The following EBF2 variants were observed in gnomAD, a reference collection of about 807,000 sequenced individuals.
EBF2 encodes the protein transcription factor COE2.
EBF2 carries 21 observed loss-of-function variants against 72.8 expected under a neutral mutation model. The ratio of observed to expected loss-of-function variants is 0.29; its 90% CI spans 0.20 to 0.42. The LOEUF (loss-of-function observed/expected upper bound fraction) is 0.42, where lower values mean the gene tolerates loss of function less well. Ranked by LOEUF, EBF2 falls within the 10% of genes least tolerant of loss-of-function variation. The pLI is 1.00. For synonymous variants in EBF2, 299 were observed against 274.2 expected (o/e 1.09, Z -0.89); for missense variants, 637 against 731.2 (o/e 0.87, Z 1.49).
rs1432707551 is a variant in EBF2 at position 25,983,735 on chromosome 8, T to C, written c.551+49350A>G. ...TGCTCATCAGGGGCCTCGCTGCTTA[T>C]GAATTATGAAAACTCGCTGGGTGTG... On this transcript the variant is annotated intron_variant, in intron 6 of 15. Coordinates refer to ENST00000520164, the MANE Select transcript of EBF2 (RefSeq NM_022659.4). Among the ~76,000 whole-genome samples the C allele has an allele frequency of 2.0e-5, 3 of 152,220 alleles. No homozygotes were observed. The East Asian group carries it at 5.8e-4, about 29-fold the overall frequency.
chr8:25,889,608 T>C, intron 8 of EBF2, 144 bp downstream of exon 8: 1 of 635,574 alleles, frequency 1.6e-6, no homozygotes, highest in Non-Finnish European at 2.7e-6. Flanking sequence ...GAGTCTGTGT[T>C]TACAACTTCG....
intron 6 of EBF2, among the ~76,000 whole-genome samples, chr8:25,994,735 A>G (rs775902703): frequency 1.8e-4 from 27 of 152,212 alleles, no homozygotes; most frequent in Admixed American, 1.0e-3. Context: ...GGAGCTAAAC[A>G]CTGAGTACAC....
At chr8:25,999,768 C>T (rs1266684818) in intron 6 of EBF2, among the ~76,000 whole-genome samples, 1 of 151,918 alleles carries the variant, frequency 6.6e-6, no homozygotes, top group Non-Finnish European at 1.5e-5. Context: ...CCACTCAGCT[C>T]TTCTCTGTTT....
At chr8:25,886,964 AT>A in intron 9 of EBF2, 83 bp from the exon 10 acceptor site, 1 of 1,470,258 alleles carries the variant, frequency 6.8e-7, no homozygotes, top group Non-Finnish European at 9.1e-7. Flanking sequence ...ATCTCCCACT[AT>A]TGCTCCCCAG....
intron 10 of EBF2, among the ~76,000 whole-genome samples, chr8:25,872,901 A>C (rs1240219367): frequency 6.6e-6 from 1 of 152,220 alleles, no homozygotes; most frequent in African/African-American, 2.4e-5. Context: ...AATTTAGATA[A>C]CACAGACGAG....
At chr8:25,923,152 C>T (rs1803333395) in intron 6 of EBF2, among the ~76,000 whole-genome samples, 1 of 152,154 alleles carries the variant, frequency 6.6e-6, no homozygotes, top group South Asian at 2.1e-4. Context: ...ACCGTGGAGT[C>T]GCCCCAGCCA....
intron 5 of EBF2, among the ~76,000 whole-genome samples, chr8:26,037,752 T>C (rs1805526894): frequency 6.6e-6 from 1 of 152,184 alleles, no homozygotes; most frequent in Non-Finnish European, 1.5e-5. Context: ...GATTTCTCCT[T>C]GCTAATAATT....
At chr8:25,856,430 C>CT (rs945102189) in intron 14 of EBF2, among the ~76,000 whole-genome samples, 42 of 152,168 alleles carry the variant, frequency 2.8e-4, no homozygotes, top group Non-Finnish European at 4.0e-4. Flanking sequence ...GTTCTAGTCC[C>CT]TTTTTTACTA....
intron 6 of EBF2, among the ~76,000 whole-genome samples, chr8:25,981,487 A>G (rs1041693043): frequency 6.6e-6 from 1 of 152,034 alleles, no homozygotes; most frequent in African/African-American, 2.4e-5. Context: ...GTCAGACAAC[A>G]TGCACCTGCA....
intron 6 of EBF2, among the ~76,000 whole-genome samples, chr8:25,940,455 C>T (rs1803650230): frequency 6.6e-6 from 1 of 152,036 alleles, no homozygotes; most frequent in South Asian, 2.1e-4. Context: ...CTTTTCTTTC[C>T]AGGATCTCTG....
At chr8:25,904,486 A>G (rs1025336421) in intron 7 of EBF2, among the ~76,000 whole-genome samples, 9 of 152,132 alleles carry the variant, frequency 5.9e-5, no homozygotes, top group African/African-American at 2.2e-4. Context: ...ATTTGGGTAG[A>G]AATTTTTCAT....
intron 6 of EBF2, among the ~76,000 whole-genome samples, chr8:25,951,320 T>C (rs1214308909): frequency 6.6e-6 from 1 of 152,152 alleles, no homozygotes; most frequent in Non-Finnish European, 1.5e-5. Context: ...TTATGTGAGC[T>C]GGAGCCCAGG....
At chr8:25,980,003 A>T (rs1238798586) in intron 6 of EBF2, among the ~76,000 whole-genome samples, 4 of 152,210 alleles carry the variant, frequency 2.6e-5, no homozygotes, top group Non-Finnish European at 4.4e-5. Flanking sequence ...AGGAAAAAAA[A>T]AGCTTCATTC....
chr8:25,909,674 A>G (rs1803095046), intron 6 of EBF2, among the ~76,000 whole-genome samples: 1 of 152,192 alleles, frequency 6.6e-6, no homozygotes, highest in Non-Finnish European at 1.5e-5. Context: ...CGACGTTCTG[A>G]TTTTTATTTT....
intron 6 of EBF2, among the ~76,000 whole-genome samples, chr8:26,020,499 C>T (rs1341603398): frequency 2.0e-5 from 3 of 152,142 alleles, no homozygotes; most frequent in African/African-American, 7.2e-5. Context: ...GGGTGCAAGT[C>T]GCTAAGGGAA....
intron 5 of EBF2, among the ~76,000 whole-genome samples, chr8:26,033,968 G>A (rs1408537892): frequency 1.3e-5 from 2 of 152,090 alleles, no homozygotes; most frequent in Admixed American, 6.5e-5. Context: ...TCGGAACCAC[G>A]GAAGGTTGGA....
intron 6 of EBF2, among the ~76,000 whole-genome samples, chr8:26,010,593 C>G (rs371392713): frequency 6.6e-6 from 1 of 152,232 alleles, no homozygotes; most frequent in Non-Finnish European, 1.5e-5. Context: ...GGAGCACAAT[C>G]GTGACAGCTG....
chr8:25,921,278 G>T (rs1222660671), intron 6 of EBF2, among the ~76,000 whole-genome samples: 1 of 152,146 alleles, frequency 6.6e-6, no homozygotes. Context: ...ATTACTCATA[G>T]TAGAGTCAGC....
Position 25,850,752 on chromosome 8 carries a change from G to A in EBF2, c.1538C>T (p.Ser513Leu), listed in dbSNP as rs540831300. ...GCTGGAAGACCCAACGGTGGGACTT[G>A]ATGACATGACTGGAAAGCAAATGCA... is the stretch of plus-strand genomic sequence containing the variant. ...PTGSPYGIMS[S>L]SPTVGSSSTS... Residue 513 changes from serine (S) to leucine (L), a missense_variant, in exon 15 of 16, where the codon TCA becomes TTA. Ser to Leu is a moderately radical substitution (Grantham distance 145). Transcript: ENST00000520164. 18 of 1,554,630 alleles carry A rather than the reference G, an allele frequency of 1.2e-5. No individual in the cohort carries two copies. The highest frequency in any genetic ancestry group is 4.3e-5 in the African/African-American group (3 of 70,474).
Sources: gnomAD v4.1 joint callset for allele counts (sites outside exome capture counted in the v4.1 genomes callset) on GRCh38, gnomAD v4.1.1 for gene constraint, MANE v1.5 for transcripts, NCBI Gene and HGNC (gene_info 2026-07-23, HGNC 2026-07-21) for gene names.